The following CAMK2D variants were observed in gnomAD, a reference collection of about 807,000 sequenced individuals.
CAMK2D encodes the protein calcium/calmodulin dependent protein kinase II delta, also known as calcium/calmodulin-dependent protein kinase type II subunit delta.
CAMK2D carries 37 observed loss-of-function variants against 84.0 expected under a neutral mutation model. That is an observed-to-expected ratio of 0.44 (90% confidence interval 0.34 to 0.58). CAMK2D has a LOEUF of 0.58. CAMK2D is among the 20% of genes least tolerant of loss of function. CAMK2D has a pLI of 0.02. For synonymous variants in CAMK2D, 202 were observed against 212.5 expected, an observed-to-expected ratio of 0.95 and a Z score of 0.43; for missense variants, 448 against 652.5, an observed-to-expected ratio of 0.69 and a Z score of 3.41.
At chr4:113,645,370 A>G (rs2099147769) in intron 3 of CAMK2D, among the ~76,000 whole-genome samples, 1 of 152,172 alleles carries the variant, frequency 6.6e-6, no homozygotes, top group Non-Finnish European at 1.5e-5. Context: ...TTTAGTGTCC[A>G]TAAGTAAAGG....
chr4:113,712,373 T>C (rs1045488619), intron 2 of CAMK2D, among the ~76,000 whole-genome samples: 2 of 152,152 alleles, frequency 1.3e-5, no homozygotes, highest in Non-Finnish European at 2.9e-5. Context: ...TTTATAGACT[T>C]ATGCTTTAAA....
intron 16 of CAMK2D, among the ~76,000 whole-genome samples, chr4:113,466,500 A>G (rs2097470232): frequency 6.6e-6 from 1 of 152,086 alleles, no homozygotes; most frequent in Non-Finnish European, 1.5e-5. Flanking sequence ...CTGCTTGACA[A>G]ACTCTACAAA....
chr4:113,559,321 TAA>T (rs1270491880), intron 4 of CAMK2D, among the ~76,000 whole-genome samples: 2 of 152,246 alleles, frequency 1.3e-5, no homozygotes, highest in African/African-American at 2.4e-5. Flanking sequence ...TTCACTAGAC[TAA>T]GTTTCAAACA....
intron 3 of CAMK2D, among the ~76,000 whole-genome samples, chr4:113,618,206 T>A (rs1034646053): frequency 6.6e-6 from 1 of 152,220 alleles, no homozygotes; most frequent in Admixed American, 6.5e-5. Context: ...TTCAACACTC[T>A]CGAGTTAAAG....
In CAMK2D at chr4:113,615,078, G is replaced by C. The variant is rs189691131; in HGVS notation, c.221-5872C>G. Among the ~76,000 whole-genome samples the C allele has an allele frequency of 3.4e-4, 52 of 152,174 alleles. No individual in the cohort carries two copies. In the South Asian group the frequency reaches 7.9e-3, roughly 23 times the overall value. ...AGCTTTGCTGTGTTTCAAAGATTGA[G>C]GTAGTTGGATTTGGTTCACATACTG... On this transcript the variant is annotated intron_variant, in intron 3 of 20. Transcript: ENST00000511664.
At chr4:113,513,477 T>C in intron 11 of CAMK2D, 107 bp from the exon 12 acceptor site, 2 of 795,480 alleles carry the variant, frequency 2.5e-6, no homozygotes, top group Non-Finnish European at 4.3e-6. Context: ...TACTTTCAGT[T>C]AGGGGATTTT....
intron 4 of CAMK2D, among the ~76,000 whole-genome samples, chr4:113,566,025 T>A (rs1053128532): frequency 6.6e-6 from 1 of 152,246 alleles, no homozygotes; most frequent in Non-Finnish European, 1.5e-5. Context: ...CTATTATTTA[T>A]TCTGTGAAGT....
Position 113,531,084 on chromosome 4 carries a change from A to AAAAT in CAMK2D, c.601+128_601+131dup, listed in dbSNP as rs1196164103. On this transcript the variant is annotated intron_variant, in intron 8 of 20. Coordinates refer to ENST00000511664, the MANE Select transcript of CAMK2D (RefSeq NM_001321571.2). ...GGGCGACAGAGCAAGACACTGTATC[A>AAAAT]AAATAAATAAATAAATAAGAAATAC... 9.6e-5 allele frequency: 57 copies of AAAAT among 593,628 alleles called. No individual in the cohort carries two copies. In the South Asian group the frequency reaches 1.0e-3, roughly 11 times the overall value. The allele number at this position is 593,628 out of a possible 1,614,324, so 36.8% of individuals were successfully genotyped here.
At chr4:113,530,073 T>G (rs2098447982) in intron 8 of CAMK2D, among the ~76,000 whole-genome samples, 1 of 152,254 alleles carries the variant, frequency 6.6e-6, no homozygotes, top group South Asian at 2.1e-4. Context: ...TGAGAACTTC[T>G]ACTGTAAGTC....
intron 3 of CAMK2D, among the ~76,000 whole-genome samples, chr4:113,646,402 G>A (rs558089612): frequency 2.0e-5 from 3 of 152,248 alleles, no homozygotes; most frequent in African/African-American, 7.2e-5. Flanking sequence ...AAATCAACAA[G>A]TAAATATACA....
chr4:113,513,310 A>G lies in CAMK2D; in HGVS notation c.946+18T>C. 6.2e-7 allele frequency: 1 copy of G among 1,612,220 alleles called. No individual in the cohort carries two copies. The highest frequency in any genetic ancestry group is 8.5e-7 in the Non-Finnish European group (1 of 1,178,470). ...AAGAAGACCAAGGGATAAGAAGCAG[A>G]GTTCCCAATGCATGTACCTGAGAAA... On this transcript the variant is annotated intron_variant, in intron 12 of 20. Transcript: ENST00000511664.
In CAMK2D at chr4:113,583,143, C is replaced by A. The variant is rs539947208; in HGVS notation, c.275+26009G>T. ...TTATCTTGAGTGTTGCCCTCAGTCT[C>A]CACCCAGTTTGCTGAGATGTACCAC... On this transcript the variant is annotated intron_variant, in intron 4 of 20. Coordinates refer to ENST00000511664, the MANE Select transcript of CAMK2D (RefSeq NM_001321571.2). Among the ~76,000 whole-genome samples the A allele has an allele frequency of 2.6e-5, 4 of 151,620 alleles. No individual in the cohort carries two copies. The South Asian group carries it at 8.3e-4, about 32-fold the overall frequency.
At chr4:113,593,896 G>C (rs568319061) in intron 4 of CAMK2D, among the ~76,000 whole-genome samples, 2 of 151,744 alleles carry the variant, frequency 1.3e-5, no homozygotes, top group Non-Finnish European at 2.9e-5. Flanking sequence ...ATTATTGAAG[G>C]CTTATTTACC....
intron 16 of CAMK2D, among the ~76,000 whole-genome samples, chr4:113,466,065 C>G (rs190738204): frequency 7.2e-5 from 11 of 151,766 alleles, no homozygotes; most frequent in Admixed American, 2.6e-4. Context: ...CAGCCTGACC[C>G]ACACGGAGAA....
At chr4:113,553,181 G>A (rs2098641582) in intron 4 of CAMK2D, among the ~76,000 whole-genome samples, 1 of 152,108 alleles carries the variant, frequency 6.6e-6, no homozygotes, top group African/African-American at 2.4e-5. Flanking sequence ...TCCCCTCCCA[G>A]TTTATTGATG....
At chr4:113,631,523 G>C (rs1033260494) in intron 3 of CAMK2D, among the ~76,000 whole-genome samples, 2 of 152,132 alleles carry the variant, frequency 1.3e-5, no homozygotes, top group African/African-American at 4.8e-5. Flanking sequence ...GATTTTGTGA[G>C]TTATTGCCCA....
At chr4:113,724,772 C>T (rs1299297240) in intron 2 of CAMK2D, among the ~76,000 whole-genome samples, 3 of 151,842 alleles carry the variant, frequency 2.0e-5, no homozygotes, top group African/African-American at 7.2e-5. Flanking sequence ...CTTAAGGTAA[C>T]GTTAGATAAT....
intron 2 of CAMK2D, among the ~76,000 whole-genome samples, chr4:113,737,416 T>C (rs1048950851): frequency 5.3e-5 from 8 of 152,120 alleles, no homozygotes; most frequent in African/African-American, 1.9e-4. Flanking sequence ...TGCTTCCACC[T>C]ACATGAGGTA....
At chr4:113,518,597 A>T (rs1215446893) in intron 8 of CAMK2D, among the ~76,000 whole-genome samples, 7 of 152,060 alleles carry the variant, frequency 4.6e-5, no homozygotes, top group African/African-American at 1.7e-4. Flanking sequence ...ATCCTGGAGG[A>T]AGGCAGTCAT....
Sources: gnomAD v4.1 joint callset for allele counts (sites outside exome capture counted in the v4.1 genomes callset) on GRCh38, gnomAD v4.1.1 for gene constraint, MANE v1.5 for transcripts, NCBI Gene and HGNC (gene_info 2026-07-23, HGNC 2026-07-21) for gene names.